DIAPH3: variants seen among roughly 807,000 people sequenced by gnomAD.
The protein encoded by DIAPH3 is diaphanous related formin 3, also known as protein diaphanous homolog 3.
DIAPH3 carries 117 observed loss-of-function variants against 144.3 expected under a neutral mutation model. That is an observed-to-expected ratio of 0.81 (90% CI 0.70 to 0.95). DIAPH3 has a LOEUF of 0.95. DIAPH3 is among the 40% of genes least tolerant of loss of function. The pLI, the probability that DIAPH3 is intolerant of heterozygous loss-of-function variation, is 0.00. For missense variants in DIAPH3, 1,421 were observed against 1,412.7 expected (o/e 1.01, Z -0.09); for synonymous variants, 519 against 488.9 (o/e 1.06, Z -0.81).
At chr13:60,095,341 T>C (rs929274511) in intron 3 of DIAPH3, among the ~76,000 whole-genome samples, 11 of 152,140 alleles carry the variant, frequency 7.2e-5, no homozygotes, top group African/African-American at 2.7e-4. Flanking sequence ...GGCTAACTCA[T>C]AGGCAGTGTG....
chr13:59,960,351 C>T (rs2049677442), intron 17 of DIAPH3, among the ~76,000 whole-genome samples: 1 of 152,140 alleles, frequency 6.6e-6, no homozygotes, highest in Non-Finnish European at 1.5e-5. Flanking sequence ...GGTATAATGG[C>T]ATATAGTTCA....
At chr13:60,089,291 G>T (rs1477182562) in intron 4 of DIAPH3, among the ~76,000 whole-genome samples, 2 of 152,164 alleles carry the variant, frequency 1.3e-5, no homozygotes, top group East Asian at 3.8e-4. Context: ...TCAAACATAA[G>T]AAGCTTGACT....
chr13:59,673,399 A>ATGTGAG (rs2032480345), intron 27 of DIAPH3, among the ~76,000 whole-genome samples: 2 of 152,166 alleles, frequency 1.3e-5, no homozygotes, highest in Non-Finnish European at 2.9e-5. Flanking sequence ...CACATTTGCA[A>ATGTGAG]CATTTTGGAA....
intron 13 of DIAPH3, 144 bp downstream of exon 13, chr13:59,983,625 T>C: frequency 8.2e-6 from 5 of 607,972 alleles, no homozygotes; most frequent in South Asian, 6.2e-5. Flanking sequence ...AAAAGGCGAA[T>C]AATGTTTTTG....
intron 27 of DIAPH3, among the ~76,000 whole-genome samples, chr13:59,710,105 G>T (rs1356587945): frequency 4.6e-5 from 7 of 151,378 alleles, no homozygotes; most frequent in Non-Finnish European, 1.0e-4. Flanking sequence ...TGGGGTGGGG[G>T]TAAGGGGGAG....
chr13:59,970,102 CACCTGTCCCAAGT>C (rs760383837), intron 16 of DIAPH3, 44 bp from the exon 17 acceptor site: 77 of 1,182,740 alleles, frequency 6.5e-5, no homozygotes, highest in Non-Finnish European at 7.9e-5. Flanking sequence ...GTGAGTGTTT[CACCTGTCCCAAGT>C]CAAGCACTAT....
chr13:60,100,129 T>C (rs1261578838), intron 3 of DIAPH3, among the ~76,000 whole-genome samples: 3 of 152,132 alleles, frequency 2.0e-5, no homozygotes, highest in Admixed American at 2.0e-4. Context: ...TTCTCCTTAA[T>C]TATAGAGGGG....
At chr13:59,905,620 T>C (rs2046694844) in intron 20 of DIAPH3, among the ~76,000 whole-genome samples, 1 of 152,192 alleles carries the variant, frequency 6.6e-6, no homozygotes, top group South Asian at 2.1e-4. Flanking sequence ...TGTGTTGCTT[T>C]ACATAGCAAA....
intron 27 of DIAPH3, among the ~76,000 whole-genome samples, chr13:59,750,542 G>C (rs954053444): frequency 1.3e-5 from 2 of 152,126 alleles, no homozygotes; most frequent in African/African-American, 4.8e-5. Flanking sequence ...GTCTGCTCTC[G>C]TTTATGTTGA....
intron 5 of DIAPH3, among the ~76,000 whole-genome samples, chr13:60,021,454 G>A (rs55800408): frequency 0.07 from 10,660 of 152,042 alleles, 418 homozygotes; most frequent in Admixed American, 0.11. Flanking sequence ...GAGAAACCCC[G>A]TTTCTACTAA....
At chr13:59,875,914 A>G (rs998894075) in intron 21 of DIAPH3, among the ~76,000 whole-genome samples, 39 of 152,120 alleles carry the variant, frequency 2.6e-4, no homozygotes, top group Admixed American at 1.4e-3. Flanking sequence ...CAGCTCCCCA[A>G]ACTAAACTAT....
chr13:60,119,296 C>T (rs1490395349), intron 2 of DIAPH3, among the ~76,000 whole-genome samples: 1 of 152,132 alleles, frequency 6.6e-6, no homozygotes, highest in Admixed American at 6.5e-5. Flanking sequence ...GGTTTCTTGC[C>T]AACAGCCATG....
chr13:60,143,161 C>T (rs1451406019), intron 1 of DIAPH3, among the ~76,000 whole-genome samples: 1 of 152,200 alleles, frequency 6.6e-6, no homozygotes, highest in Non-Finnish European at 1.5e-5. Flanking sequence ...CCGCAGTCCT[C>T]TCCCTCTCAA....
intron 27 of DIAPH3, among the ~76,000 whole-genome samples, chr13:59,735,108 C>G (rs987964679): frequency 2.6e-5 from 4 of 151,216 alleles, no homozygotes; most frequent in Non-Finnish European, 4.4e-5. Context: ...TCTTGAAAAA[C>G]AGAATTTTTT....
chr13:60,023,850 CTTTT>C (rs35707483), intron 5 of DIAPH3, among the ~76,000 whole-genome samples: 2 of 68,874 alleles, frequency 2.9e-5, no homozygotes, highest in African/African-American at 1.2e-4. Flanking sequence ...ACTATTCAGC[CTTTT>C]TTTTTTTTTT....
chr13:59,833,163 T>C lies in DIAPH3; in HGVS notation c.2971A>G (p.Lys991Glu). 6.2e-7 allele frequency: 1 copy of C among 1,611,016 alleles called. No homozygotes were observed. The highest frequency in any genetic ancestry group is 8.5e-7 in the Non-Finnish European group (1 of 1,178,144). Residue 991 changes from lysine (K) to glutamate (E), a missense_variant, in exon 24 of 28, where the codon AAG (lysine) becomes GAG (glutamate). Lys to Glu is a moderately conservative substitution (Grantham distance 56, BLOSUM62 1). Coordinates refer to ENST00000400324, the MANE Select transcript of DIAPH3 (RefSeq NM_001042517.2). Reference sequence around the variant, plus strand: ...GTAAGAAAGTCTTCCACAGACACCTTCTTCACATCAATGGCATAGTATCCT... The same window carrying C: ...GTAAGAAAGTCTTCCACAGACACCTCCTTCACATCAATGGCATAGTATCCT... Reference protein sequence around the residue: ...IIGYYAIDVKKVSVEDFLTDL... With the variant: ...IIGYYAIDVKEVSVEDFLTDL...
At chr13:60,115,492 G>A (rs1326596178) in intron 2 of DIAPH3, among the ~76,000 whole-genome samples, 4 of 152,150 alleles carry the variant, frequency 2.6e-5, no homozygotes, top group Admixed American at 1.3e-4. Context: ...TGAGCTCACC[G>A]GAATAGCAAC....
rs1341225103 is a variant in DIAPH3, at chr13:59,998,931, G to A, written c.1015-6348C>T. Among the ~76,000 whole-genome samples, 19 of 152,090 alleles carry A rather than the reference G, an allele frequency of 1.2e-4. 1 individual carries two copies. The highest frequency in any genetic ancestry group is 1.2e-3 in the Admixed American group (19 of 15,264). ...TTCTTCATTTAGTCCTTCACTAAAT[G>A]TGAGAAAAGTTTATTTAAAATAGAA... On this transcript the variant is annotated intron_variant, in intron 9 of 27. Transcript: ENST00000400324.
intron 17 of DIAPH3, among the ~76,000 whole-genome samples, chr13:59,950,953 TA>T (rs1232020472): frequency 6.6e-6 from 1 of 152,154 alleles, no homozygotes; most frequent in Non-Finnish European, 1.5e-5. Context: ...TTTAGGGTGG[TA>T]TTTTTTTCTT....
Sources: allele counts gnomAD v4.1 joint callset (sites outside exome capture counted in the v4.1 genomes callset), GRCh38; gene constraint gnomAD v4.1.1; transcripts MANE v1.5; gene names NCBI Gene and HGNC (gene_info 2026-07-23, HGNC 2026-07-21).